Variants in SNX24 observed in about 807,000 individuals in gnomAD.
SNX24 encodes sorting nexin 24, also known as sorting nexin-24.
Under a neutral mutation model 28.7 loss-of-function variants are expected in SNX24, and 22 were observed. That is an observed-to-expected ratio of 0.77 (90% CI 0.55 to 1.10). The LOEUF is 1.10. Among genes scored for constraint, SNX24 ranks in the 50% least tolerant of loss-of-function variants. The pLI is 0.00. For synonymous variants in SNX24, 69 were observed against 71.5 expected, an observed-to-expected ratio of 0.96 and a Z score of 0.18; for missense variants, 221 against 201.1, an observed-to-expected ratio of 1.10 and a Z score of -0.60.
At chr5:122,961,976 C>CCTAT (rs1244161935) in intron 3 of SNX24, among the ~76,000 whole-genome samples, 1 of 152,188 alleles carries the variant, frequency 6.6e-6, no homozygotes, top group African/African-American at 2.4e-5. Context: ...TTTTTGTAGA[C>CCTAT]AGTGACCTAT....
chr5:122,947,029 A>G (rs1210194479), intron 3 of SNX24, among the ~76,000 whole-genome samples: 1 of 152,170 alleles, frequency 6.6e-6, no homozygotes, highest in Non-Finnish European at 1.5e-5. Context: ...TGGAGAAGCG[A>G]CACATGAGAA....
At chr5:122,987,981 C>T (rs1417325009) in intron 3 of SNX24, among the ~76,000 whole-genome samples, 1 of 152,058 alleles carries the variant, frequency 6.6e-6, no homozygotes, top group Non-Finnish European at 1.5e-5. Context: ...GTAAATAAAA[C>T]CATGTAAGAA....
intron 1 of SNX24, among the ~76,000 whole-genome samples, chr5:122,926,615 C>T (rs1758703777): frequency 6.6e-6 from 1 of 152,176 alleles, no homozygotes; most frequent in South Asian, 2.1e-4. Flanking sequence ...AAAGCCTAAC[C>T]TCAGATCTGA....
intron 1 of SNX24, chr5:122,890,972 G>T: frequency 7.3e-7 from 1 of 1,362,680 alleles, no homozygotes; most frequent in Non-Finnish European, 9.5e-7. Flanking sequence ...AATTTAAATA[G>T]TATATAAGAG....
At chr5:123,002,621 G>A (rs1298589678) in intron 6 of SNX24, among the ~76,000 whole-genome samples, 3 of 152,146 alleles carry the variant, frequency 2.0e-5, no homozygotes, top group Non-Finnish European at 4.4e-5. Context: ...GACAGAGCGA[G>A]ACTCCGTCTC....
At chr5:122,978,334 C>A (rs1271770813) in intron 3 of SNX24, among the ~76,000 whole-genome samples, 1 of 152,204 alleles carries the variant, frequency 6.6e-6, no homozygotes, top group African/African-American at 2.4e-5. Context: ...ACTCTTGTCA[C>A]TTTATAGCAT....
rs1762243027 is a variant in SNX24 at position 123,001,430 on chromosome 5, G to A, written c.370G>A (p.Glu124Lys). 1 of 1,605,824 alleles carries A rather than the reference G, an allele frequency of 6.2e-7. No individual in the cohort carries two copies. The highest frequency in any genetic ancestry group is 8.5e-7 in the Non-Finnish European group (1 of 1,173,542). ...CGSFDETESE[E>K]SSKLSHQPVL... The stretch of plus-strand genomic sequence containing the variant: ...ATCTTTTGATGAAACAGAGTCTGAA[G>A]AGTCAAGGTAAGGACTAATCCTCAT... Residue 124 changes from glutamate to lysine, a missense_variant, in exon 5 of 7, where the codon GAG (glutamate) becomes AAG (lysine). By Grantham distance (56) the Glu-to-Lys change is moderately conservative (BLOSUM62 1). Coordinates refer to ENST00000261369, the MANE Select transcript of SNX24 (RefSeq NM_014035.4).
At chr5:122,982,636 T>C (rs1761440363) in intron 3 of SNX24, among the ~76,000 whole-genome samples, 1 of 152,210 alleles carries the variant, frequency 6.6e-6, no homozygotes, top group Non-Finnish European at 1.5e-5. Flanking sequence ...GAATTTAGGT[T>C]GGCCTTTTAG....
chr5:122,897,044 C>T (rs1412447502), intron 1 of SNX24, among the ~76,000 whole-genome samples: 1 of 152,192 alleles, frequency 6.6e-6, no homozygotes, highest in Non-Finnish European at 1.5e-5. Context: ...TTGCTTCTTT[C>T]TAGTATTAAA....
At position 123,028,670 on chromosome 5, in the gene SNX24, C is replaced by G. The variant is rs1183488462; in HGVS notation, n.384-568C>G. 6.7e-6 allele frequency: 6 copies of G among 890,696 alleles called. No homozygotes were observed. In the Admixed American group the frequency reaches 1.1e-4, roughly 16 times the overall value. 55.2% of individuals were successfully genotyped at this position (890,696 alleles called of 1,614,324 possible). On this transcript the variant is annotated intron_variant and non_coding_transcript_variant, in intron 5 of 5. Coordinates refer to the SNX24 transcript ENST00000502387. ...TCTCAAAGAGGTACAGTCGTCTTTA[C>G]AACTGTGTTCCTTAGCTCTGGATTT...
chr5:122,968,684 A>G (rs745734241), intron 3 of SNX24, among the ~76,000 whole-genome samples: 2 of 152,176 alleles, frequency 1.3e-5, no homozygotes, highest in Non-Finnish European at 2.9e-5. Context: ...TCACTGTTGA[A>G]CACAAGCAAC....
At chr5:123,007,109 T>C (rs1360064654) in intron 6 of SNX24, among the ~76,000 whole-genome samples, 1 of 152,198 alleles carries the variant, frequency 6.6e-6, no homozygotes, top group Non-Finnish European at 1.5e-5. Context: ...TCCTGTCTCC[T>C]ATAATAATGG....
rs11407516 is a variant in SNX24 at position 123,008,556 on chromosome 5, T to TAAA, written c.*823_*825dup. 83 of 136,768 alleles carry TAAA rather than the reference T, an allele frequency of 6.1e-4. No individual in the cohort carries two copies. Among genetic ancestry groups the TAAA allele is most frequent in the African/African-American group, 1.9e-3 (69 of 37,264 alleles). The allele number at this position is 136,768 out of a possible 1,614,324, so 8.5% of individuals were successfully genotyped here. ...GGTGTTTGTTTAGGGGCCATTTTGT[T>TAAA]AAAAAAAAAAAAAAAAAAGCACATA... On this transcript the variant is annotated 3_prime_UTR_variant, in exon 7 of 7. Coordinates refer to ENST00000261369, the MANE Select transcript of SNX24 (RefSeq NM_014035.4).
At chr5:122,863,319 T>G (rs1755565536) in intron 1 of SNX24, among the ~76,000 whole-genome samples, 1 of 151,974 alleles carries the variant, frequency 6.6e-6, no homozygotes, top group Non-Finnish European at 1.5e-5. Flanking sequence ...GAGCAGTATG[T>G]GCAAAGGACA....
chr5:123,018,250 A>G (rs1325134274), intron 5 of SNX24, among the ~76,000 whole-genome samples: 1 of 152,050 alleles, frequency 6.6e-6, no homozygotes, highest in Non-Finnish European at 1.5e-5. Flanking sequence ...GGTTAAATCA[A>G]GTCTGGAGTT....
chr5:122,921,036 T>C (rs1187379409), intron 1 of SNX24, among the ~76,000 whole-genome samples: 1 of 152,022 alleles, frequency 6.6e-6, no homozygotes, highest in Non-Finnish European at 1.5e-5. Context: ...AATATTGGCA[T>C]TTTTTTCTCT....
At chr5:122,915,499 A>G (rs757961852) in intron 1 of SNX24, among the ~76,000 whole-genome samples, 4 of 151,994 alleles carry the variant, frequency 2.6e-5, no homozygotes, top group Admixed American at 1.3e-4. Flanking sequence ...TGGTGGTGTC[A>G]CCTGTAATCC....
intron 1 of SNX24, among the ~76,000 whole-genome samples, chr5:122,909,494 C>A (rs1757787748): frequency 6.6e-6 from 1 of 152,140 alleles, no homozygotes; most frequent in Non-Finnish European, 1.5e-5. Context: ...AAAGATAAGT[C>A]CAGGGTCTGA....
chr5:122,919,906 CA>C (rs1361783915), intron 1 of SNX24, among the ~76,000 whole-genome samples: 5 of 152,062 alleles, frequency 3.3e-5, no homozygotes, highest in Non-Finnish European at 2.9e-5. Context: ...TAAAAGGGCC[CA>C]ATTTATTTGT....
Sources: allele counts gnomAD v4.1 joint callset (sites outside exome capture counted in the v4.1 genomes callset), GRCh38; gene constraint gnomAD v4.1.1; transcripts MANE v1.5; gene names NCBI Gene and HGNC (gene_info 2026-07-23, HGNC 2026-07-21).